Variants in DLG2 observed in about 807,000 individuals in gnomAD.
DLG2 encodes the protein disks large homolog 2.
Under a neutral mutation model 132.5 loss-of-function variants are expected in DLG2, and 45 were observed. That is an observed-to-expected ratio of 0.34 (90% CI 0.27 to 0.44). DLG2 has a LOEUF of 0.44. Among genes scored for constraint, DLG2 ranks in the 20% least tolerant of loss-of-function variants. DLG2 has a pLI of 1.00. For missense variants in DLG2, 1,045 were observed against 1,196.9 expected, an observed-to-expected ratio of 0.87 and a Z score of 1.87; for synonymous variants, 424 against 419.6, an observed-to-expected ratio of 1.01 and a Z score of -0.13.
At chr11:84,410,574 CTTTTTTTTTTT>C (rs367980167) in intron 7 of DLG2, among the ~76,000 whole-genome samples, 17 of 109,128 alleles carry the variant, frequency 1.6e-4, no homozygotes, top group Admixed American at 8.9e-4. Flanking sequence ...ACCACATAAA[CTTTTTTTTTTT>C]TTTTTTTTTT....
rs1246507153 is a variant in DLG2, at chr11:84,278,213, T to TC, written c.520-26923dup. On this transcript the variant is annotated intron_variant, in intron 7 of 27. Coordinates refer to ENST00000376104, the MANE Select transcript of DLG2 (RefSeq NM_001142699.3). Reference sequence around the variant, plus strand: ...TGAGAAAATCTTATAAACAACTTTTTCCCCCCAAAAATTAATACCTTAGAT... The same window carrying TC: ...TGAGAAAATCTTATAAACAACTTTTTCCCCCCCAAAAATTAATACCTTAGAT... Among the ~76,000 whole-genome samples, 9 of 151,870 alleles carry TC rather than the reference T, an allele frequency of 5.9e-5. No individual in the cohort carries two copies. The East Asian group carries it at 1.7e-3, about 29-fold the overall frequency.
At chr11:85,451,147 A>G (rs772635023) in intron 3 of DLG2, among the ~76,000 whole-genome samples, 5 of 152,168 alleles carry the variant, frequency 3.3e-5, no homozygotes, top group African/African-American at 4.8e-5. Flanking sequence ...CATATCTGCA[A>G]ATGATACATC....
chr11:85,158,054 C>G (rs1462197172), intron 4 of DLG2, among the ~76,000 whole-genome samples: 1 of 152,104 alleles, frequency 6.6e-6, no homozygotes, highest in Non-Finnish European at 1.5e-5. Flanking sequence ...CTGTTTGCTT[C>G]TAGACTTATA....
chr11:84,438,376 T>C (rs1035985016), intron 7 of DLG2, among the ~76,000 whole-genome samples: 1 of 152,088 alleles, frequency 6.6e-6, no homozygotes, highest in African/African-American at 2.4e-5. Context: ...GAGGCCTCTA[T>C]TACAGGACGA....
chr11:85,099,356 G>A (rs1160499822), intron 6 of DLG2, among the ~76,000 whole-genome samples: 1 of 152,140 alleles, frequency 6.6e-6, no homozygotes. Context: ...AGAACAGTAA[G>A]CAGATGCAAG....
chr11:85,191,707 T>C (rs1238019891), intron 4 of DLG2, among the ~76,000 whole-genome samples: 4 of 152,136 alleles, frequency 2.6e-5, no homozygotes, highest in East Asian at 3.9e-4. Context: ...TATATATAGA[T>C]TGGTTTTCTG....
At chr11:84,904,955 G>A (rs1313871222) in intron 6 of DLG2, among the ~76,000 whole-genome samples, 5 of 152,078 alleles carry the variant, frequency 3.3e-5, no homozygotes, top group African/African-American at 9.7e-5. Flanking sequence ...ACAGGGTCTC[G>A]CTCTGTCGCC....
intron 17 of DLG2, among the ~76,000 whole-genome samples, chr11:83,825,986 G>T (rs2052645508): frequency 6.6e-6 from 1 of 152,160 alleles, no homozygotes; most frequent in South Asian, 2.1e-4. Context: ...AGTAGGGGAA[G>T]TATTGTGGAT....
At chr11:83,491,790 C>T (rs1428883730) in intron 21 of DLG2, among the ~76,000 whole-genome samples, 1 of 152,018 alleles carries the variant, frequency 6.6e-6, no homozygotes, top group African/African-American at 2.4e-5. Flanking sequence ...TCTCTCTCAT[C>T]TTGCACCCTT....
chr11:85,514,300 G>C (rs1327003514), intron 3 of DLG2, among the ~76,000 whole-genome samples: 3 of 151,960 alleles, frequency 2.0e-5, no homozygotes, highest in Non-Finnish European at 2.9e-5. Context: ...AGTTTTTACA[G>C]CTCATTGGTG....
chr11:85,468,420 A>G (rs1382881810), intron 3 of DLG2, among the ~76,000 whole-genome samples: 1 of 152,028 alleles, frequency 6.6e-6, no homozygotes, highest in African/African-American at 2.4e-5. Context: ...TCAATTTTAG[A>G]TCTTTTCTGC....
chr11:85,462,539 A>T (rs1189933483), intron 3 of DLG2, among the ~76,000 whole-genome samples: 1 of 152,134 alleles, frequency 6.6e-6, no homozygotes, highest in Non-Finnish European at 1.5e-5. Flanking sequence ...CTCTCAGCAA[A>T]CTATCACAAG....
At chr11:85,090,490 T>C (rs1376098256) in intron 6 of DLG2, among the ~76,000 whole-genome samples, 1 of 152,184 alleles carries the variant, frequency 6.6e-6, no homozygotes, top group East Asian at 1.9e-4. Flanking sequence ...AACATACACA[T>C]GCACTCATAT....
chr11:85,029,952 T>A (rs1007166476), intron 6 of DLG2, among the ~76,000 whole-genome samples: 2 of 152,128 alleles, frequency 1.3e-5, no homozygotes, highest in South Asian at 2.1e-4. Context: ...ATTCCTGACC[T>A]CAAATAAGGC....
chr11:84,096,080 G>A (rs1343318446), intron 10 of DLG2, among the ~76,000 whole-genome samples: 1 of 152,138 alleles, frequency 6.6e-6, no homozygotes, highest in African/African-American at 2.4e-5. Flanking sequence ...ATGATGTAGG[G>A]ATTCTACCAA....
chr11:85,015,990 T>G (rs910268099), intron 6 of DLG2, among the ~76,000 whole-genome samples: 5 of 152,064 alleles, frequency 3.3e-5, no homozygotes, highest in Non-Finnish European at 5.9e-5. Flanking sequence ...AAGTCAATAT[T>G]TGAAAACTAG....
At chr11:84,144,495 G>T (rs2094988818) in intron 9 of DLG2, among the ~76,000 whole-genome samples, 1 of 152,082 alleles carries the variant, frequency 6.6e-6, no homozygotes, top group African/African-American at 2.4e-5. Context: ...ACTAATGGAG[G>T]CCAGGGTATC....
intron 3 of DLG2, among the ~76,000 whole-genome samples, chr11:85,531,168 G>T (rs1336797046): frequency 6.6e-6 from 1 of 152,184 alleles, no homozygotes; most frequent in Non-Finnish European, 1.5e-5. Context: ...CCAAGAGTAT[G>T]AAATCATTAT....
chr11:84,117,934 T>A (rs905762904), intron 9 of DLG2, among the ~76,000 whole-genome samples: 1 of 152,070 alleles, frequency 6.6e-6, no homozygotes, highest in Non-Finnish European at 1.5e-5. Context: ...CGGCTCACTG[T>A]GGCCTCTGTC....
Sources: allele counts gnomAD v4.1 joint callset (sites outside exome capture counted in the v4.1 genomes callset), GRCh38; gene constraint gnomAD v4.1.1; transcripts MANE v1.5; gene names NCBI Gene and HGNC (gene_info 2026-07-23, HGNC 2026-07-21).